Variants in ATP2C2 observed in about 807,000 individuals in gnomAD.
ATP2C2 encodes the protein calcium-transporting ATPase type 2C member 2.
Under a neutral mutation model 110.8 loss-of-function variants are expected in ATP2C2, and 171 were observed. The observed-to-expected ratio is 1.54, with a 90% confidence interval of 1.36 to 1.75. The LOEUF is 1.75. Among genes scored for constraint, ATP2C2 ranks in the 40% most tolerant of loss-of-function variants. The pLI is 0.00. For missense variants in ATP2C2, 1,963 were observed against 1,235.0 expected (o/e 1.59, Z -8.84); for synonymous variants, 804 against 508.4 (o/e 1.58, Z -7.82).
At chr16:84,459,955 G>C (rs1426881237) in intron 23 of ATP2C2, 4 of 264,726 alleles carry the variant, frequency 1.5e-5, no homozygotes, top group South Asian at 9.7e-5. Flanking sequence ...CAAGTGGTGT[G>C]GGGGAAGGAA....
intron 1 of ATP2C2, among the ~76,000 whole-genome samples, chr16:84,378,184 C>G (rs966442987): frequency 1.3e-5 from 2 of 152,206 alleles, no homozygotes; most frequent in African/African-American, 4.8e-5. Context: ...TATTTCACCC[C>G]CATGCACTTC....
intron 1 of ATP2C2, among the ~76,000 whole-genome samples, chr16:84,383,073 G>A (rs1009090586): frequency 4.6e-5 from 7 of 152,154 alleles, no homozygotes; most frequent in African/African-American, 1.7e-4. Flanking sequence ...CGCTGGGCCT[G>A]CCCTGGAGCA....
chr16:84,372,706 G>C (rs1385175167), intron 1 of ATP2C2, among the ~76,000 whole-genome samples: 2 of 152,044 alleles, frequency 1.3e-5, no homozygotes, highest in Non-Finnish European at 2.9e-5. Context: ...TTACAGGCGT[G>C]AGCCACCGCA....
At chr16:84,389,196 C>G (rs1231452385) in intron 1 of ATP2C2, among the ~76,000 whole-genome samples, 1 of 152,198 alleles carries the variant, frequency 6.6e-6, no homozygotes. Flanking sequence ...CCCACATGAG[C>G]CGTTTTCTTG....
At chr16:84,386,412 A>G (rs1015347006) in intron 1 of ATP2C2, among the ~76,000 whole-genome samples, 4 of 152,220 alleles carry the variant, frequency 2.6e-5, no homozygotes, top group African/African-American at 9.6e-5. Context: ...ACTGGCTACC[A>G]TTACCATTAG....
rs267604668 is a variant in ATP2C2 at position 84,461,752 on chromosome 16, G to T, written c.2520G>T (p.Thr840=). Residue 840 remains threonine (T), a synonymous_variant, in exon 25 of 27, where the codon ACG becomes ACT. Transcript: ENST00000262429. The part of the protein sequence containing the change: ...EDRASTPRTT[T]MTFTCFVFFD... ...GAGCAAGCACTCCCCGCACCACGAC[G>T]ATGACGTTCACTTGTTTTGTGTTTT... The T allele has an allele frequency of 6.2e-7, 1 of 1,614,186 alleles. No homozygotes were observed. The highest frequency in any genetic ancestry group is 1.1e-5 in the South Asian group (1 of 91,088).
chr16:84,409,830 C>A (rs1018771161), intron 4 of ATP2C2, among the ~76,000 whole-genome samples: 9 of 152,080 alleles, frequency 5.9e-5, no homozygotes, highest in Admixed American at 4.6e-4. Flanking sequence ...CTGTCATTCC[C>A]CACTTCTTTC....
rs1290500985 is a variant in ATP2C2, at chr16:84,452,128, C to T, written c.1831+37C>T. 6 of 1,608,394 alleles carry T rather than the reference C, an allele frequency of 3.7e-6. No homozygotes were observed. The Admixed American group carries it at 1.0e-4, about 27-fold the overall frequency. On this transcript the variant is annotated intron_variant, in intron 18 of 26. Transcript: ENST00000262429. ...AGGGTCGGGGGTGAGGACGAAAGGA[C>T]CCATCCATCCTTTACGATGGGGGGC... is the stretch of plus-strand genomic sequence containing the variant.
At chr16:84,434,606 C>G (rs1908579998) in intron 11 of ATP2C2, among the ~76,000 whole-genome samples, 1 of 151,544 alleles carries the variant, frequency 6.6e-6, no homozygotes, top group African/African-American at 2.4e-5. Context: ...CAAGCTCCGC[C>G]TCCTGGGTTC....
intron 1 of ATP2C2, among the ~76,000 whole-genome samples, chr16:84,388,871 A>C (rs1904479393): frequency 6.6e-6 from 1 of 152,200 alleles, no homozygotes; most frequent in Non-Finnish European, 1.5e-5. Flanking sequence ...TCCTGGGTTC[A>C]AGCGATTCTC....
chr16:84,434,224 C>G (rs773715296), intron 11 of ATP2C2, among the ~76,000 whole-genome samples: 1 of 151,830 alleles, frequency 6.6e-6, no homozygotes, highest in African/African-American at 2.4e-5. Flanking sequence ...GAGATCATCC[C>G]GGCCCACATT....
chr16:84,402,265 A>G (rs1179630027), intron 2 of ATP2C2, among the ~76,000 whole-genome samples: 1 of 152,210 alleles, frequency 6.6e-6, no homozygotes, highest in African/African-American at 2.4e-5. Context: ...ATCATCTGCA[A>G]ACAAGAATAA....
In ATP2C2 at chr16:84,368,700, G is replaced by C. The variant is rs943812213; in HGVS notation, c.85G>C (p.Glu29Gln). 2.6e-6 allele frequency: 4 copies of C among 1,548,620 alleles called. No homozygotes were observed. In the African/African-American group the frequency reaches 5.7e-5, roughly 22 times the overall value. The change falls in exon 1 of 27, where the codon GAA (glutamate) becomes CAA (glutamine). Residue 29 changes from glutamate (E) to glutamine (Q), a missense_variant. Physicochemically the swap from Glu to Gln is conservative, Grantham distance 29. Coordinates refer to ENST00000262429, the MANE Select transcript of ATP2C2 (RefSeq NM_014861.4). ...GRQYQALEKD[E>Q]EEALIDEQSE... ...CCAGTACCAGGCGCTGGAGAAGGAC[G>C]AAGAGGAAGCCTTGGTGAGTCCCCG...
intron 11 of ATP2C2, among the ~76,000 whole-genome samples, chr16:84,435,314 T>A (rs1908639989): frequency 6.6e-6 from 1 of 152,240 alleles, no homozygotes; most frequent in South Asian, 2.1e-4. Flanking sequence ...AAAATAATGG[T>A]GCCCTTCACA....
chr16:84,442,244 C>T (rs1358607350), intron 14 of ATP2C2, among the ~76,000 whole-genome samples: 4 of 152,166 alleles, frequency 2.6e-5, no homozygotes, highest in Non-Finnish European at 5.9e-5. Flanking sequence ...TCCCCATTAT[C>T]GGTCGCTCCC....
At chr16:84,443,207 G>A (rs527792868) in intron 15 of ATP2C2, among the ~76,000 whole-genome samples, 2 of 152,120 alleles carry the variant, frequency 1.3e-5, no homozygotes, top group Non-Finnish European at 2.9e-5. Context: ...GAGAAGAGAG[G>A]ACAAAGGACA....
At chr16:84,424,599 T>TA (rs1555561009) in intron 10 of ATP2C2, among the ~76,000 whole-genome samples, 2,082 of 129,902 alleles carry the variant, frequency 0.016, 50 homozygotes, top group Middle Eastern at 0.033. Flanking sequence ...TTTTTTTTTT[T>TA]AACATTTTGG....
chr16:84,370,412 G>A (rs1909884827), intron 1 of ATP2C2, among the ~76,000 whole-genome samples: 1 of 152,178 alleles, frequency 6.6e-6, no homozygotes. Flanking sequence ...AAGCCATGCT[G>A]TCTCCAGAGG....
At chr16:84,456,087 C>G (rs1474020699) in intron 21 of ATP2C2, among the ~76,000 whole-genome samples, 1 of 103,692 alleles carries the variant, frequency 9.6e-6, no homozygotes, top group Non-Finnish European at 1.9e-5. Context: ...GTCTAAAATT[C>G]TCTTTTTTGG....
Sources: allele counts gnomAD v4.1 joint callset (sites outside exome capture counted in the v4.1 genomes callset), GRCh38; gene constraint gnomAD v4.1.1; transcripts MANE v1.5; gene names NCBI Gene and HGNC (gene_info 2026-07-23, HGNC 2026-07-21).